SDHAF4: variants seen among roughly 807,000 people sequenced by gnomAD.
SDHAF4 encodes the protein succinate dehydrogenase assembly factor 4, mitochondrial.
SDHAF4 carries 14 observed loss-of-function variants against 14.3 expected under a neutral mutation model. That is an observed-to-expected ratio of 0.98 (90% CI 0.65 to 1.53). The LOEUF (loss-of-function observed/expected upper bound fraction) is 1.53. Among genes scored for constraint, SDHAF4 ranks in the 40% most tolerant of loss-of-function variants. SDHAF4 has a pLI of 0.00. For missense variants in SDHAF4, 141 were observed against 129.3 expected (o/e 1.09, Z -0.44); for synonymous variants, 63 against 47.3 (o/e 1.33, Z -1.36).
chr6:70,594,147 G>A (rs929349069), downstream of SDHAF4, among the ~76,000 whole-genome samples: 15 of 152,118 alleles, frequency 9.9e-5, no homozygotes, highest in East Asian at 1.9e-4. Flanking sequence ...AATTGTTTTC[G>A]CAGGATCACA....
Position 70,587,293 on chromosome 6 carries a change from C to G in SDHAF4, c.218-1322C>G, listed in dbSNP as rs1423053311. On this transcript the variant is annotated intron_variant, in intron 2 of 2. Transcript: ENST00000370474. ...TCATTTGGGGTCAGGAGTTTGAGACCAGCCTGGCCAACATAGTGAAACCCC... is the reference window on the plus strand; with the variant it reads ...TCATTTGGGGTCAGGAGTTTGAGACGAGCCTGGCCAACATAGTGAAACCCC... Among the ~76,000 whole-genome samples, 3 of 152,136 alleles carry G rather than the reference C, an allele frequency of 2.0e-5. No homozygotes were observed. In the East Asian group the frequency reaches 5.8e-4, roughly 29 times the overall value.
chr6:70,579,094 A>G (rs191460450), intron 1 of SDHAF4, among the ~76,000 whole-genome samples: 3 of 152,312 alleles, frequency 2.0e-5, no homozygotes, highest in Admixed American at 2.0e-4. Context: ...AAAAGTTTGT[A>G]CTACTAAGTT....
chr6:70,583,464 A>T (rs968240505), intron 2 of SDHAF4, among the ~76,000 whole-genome samples: 4 of 152,180 alleles, frequency 2.6e-5, no homozygotes, highest in African/African-American at 9.7e-5. Flanking sequence ...AGACATTTCA[A>T]AATACCTGGA....
chr6:70,575,499 G>A (rs1345592271), intron 1 of SDHAF4, among the ~76,000 whole-genome samples: 6 of 148,242 alleles, frequency 4.0e-5, no homozygotes, highest in African/African-American at 7.4e-5. Flanking sequence ...AAAAAAAGAC[G>A]CAATAAGTGT....
At chr6:70,597,859 T>G in the SDHAF4 span, among the ~76,000 whole-genome samples, 1 of 152,172 alleles carries the variant, frequency 6.6e-6, no homozygotes, top group Non-Finnish European at 1.5e-5. Flanking sequence ...TATAAAAATT[T>G]TTAAGCCCTT....
intron 2 of SDHAF4, among the ~76,000 whole-genome samples, chr6:70,585,510 C>G (rs1765185450): frequency 6.6e-6 from 1 of 152,128 alleles, no homozygotes; most frequent in Non-Finnish European, 1.5e-5. Flanking sequence ...CTGATTTCAG[C>G]CTACCAGCCT....
chr6:70,569,122 C>T (rs1333801122), intron 1 of SDHAF4, among the ~76,000 whole-genome samples: 1 of 151,330 alleles, frequency 6.6e-6, no homozygotes, highest in South Asian at 2.1e-4. Flanking sequence ...CGCGCCACCA[C>T]GCCCGGCTAA....
intron 2 of SDHAF4, among the ~76,000 whole-genome samples, chr6:70,582,361 G>A (rs898038669): frequency 4.6e-5 from 7 of 152,050 alleles, no homozygotes; most frequent in Non-Finnish European, 1.0e-4. Flanking sequence ...CACCACGCCC[G>A]GCTTAAAATG....
At chr6:70,568,292 TACAC>T (rs150810278) in intron 1 of SDHAF4, among the ~76,000 whole-genome samples, 23 of 151,806 alleles carry the variant, frequency 1.5e-4, no homozygotes, top group South Asian at 2.1e-4. Flanking sequence ...TATATATGTA[TACAC>T]ACACACACAC....
intron 1 of SDHAF4, among the ~76,000 whole-genome samples, chr6:70,572,220 A>G (rs1310068420): frequency 6.6e-6 from 1 of 151,776 alleles, no homozygotes; most frequent in East Asian, 1.9e-4. Flanking sequence ...GTGCACCACC[A>G]TGTCTGGCTA....
At chr6:70,587,908 G>C (rs1765222538) in intron 2 of SDHAF4, among the ~76,000 whole-genome samples, 1 of 152,204 alleles carries the variant, frequency 6.6e-6, no homozygotes, top group African/African-American at 2.4e-5. Context: ...ATGAGGAACA[G>C]TAATTCTCTA....
intron 2 of SDHAF4, among the ~76,000 whole-genome samples, chr6:70,585,029 A>G (rs1765179699): frequency 6.6e-6 from 1 of 152,222 alleles, no homozygotes; most frequent in African/African-American, 2.4e-5. Flanking sequence ...GTGTGGCATT[A>G]GAATGAGAGG....
chr6:70,569,155 G>A (rs112239631), intron 1 of SDHAF4, among the ~76,000 whole-genome samples: 25,896 of 150,014 alleles, frequency 0.17, 2,322 homozygotes, highest in Middle Eastern at 0.22. Context: ...TAGTAGAGAC[G>A]GGGTTTCACC....
At chr6:70,596,334 A>G in the SDHAF4 span, 1 of 152,210 alleles carries the variant, frequency 6.6e-6, no homozygotes, top group Admixed American at 6.5e-5. Flanking sequence ...ACATTGGCTC[A>G]AGGATTTCCC....
At chr6:70,585,973 C>T (rs1328960605) in intron 2 of SDHAF4, among the ~76,000 whole-genome samples, 6 of 152,130 alleles carry the variant, frequency 3.9e-5, no homozygotes, top group Non-Finnish European at 5.9e-5. Flanking sequence ...TGTCTTTTGT[C>T]AGTTGATTTT....
In SDHAF4 at chr6:70,579,501, C is replaced by T. The variant is rs746342509; in HGVS notation, c.152C>T (p.Pro51Leu). The change falls in exon 2 of 3, where the codon CCG becomes CTG. Residue 51 changes from proline to leucine, a missense_variant. Pro to Leu is a moderately conservative substitution (Grantham distance 98). Transcript: ENST00000370474. ...CTTGTCAAACAGTCCCTTAAGAAGCCGAAGTTACCAGAAGGTCGTTTTGAT... is the reference window on the plus strand; with the variant it reads ...CTTGTCAAACAGTCCCTTAAGAAGCTGAAGTTACCAGAAGGTCGTTTTGAT... ...SELVKQSLKK[P>L]KLPEGRFDAP... is the part of the protein sequence containing the mutation. 3.7e-6 allele frequency: 6 copies of T among 1,611,110 alleles called. No homozygotes were observed. The highest frequency in any genetic ancestry group is 4.2e-6 in the Non-Finnish European group (5 of 1,178,530).
the SDHAF4 span, among the ~76,000 whole-genome samples, chr6:70,595,752 C>T: frequency 6.7e-6 from 1 of 150,334 alleles, no homozygotes; most frequent in South Asian, 2.1e-4. Context: ...AGGAGAATCG[C>T]TTGAACCCGG....
At position 70,566,944 on chromosome 6, in the gene SDHAF4, A is replaced by G; in HGVS notation, c.4A>G (p.Thr2Ala). Reference sequence around the variant, plus strand: ...GGAGGCTCGGGGAGTCGGCGCCATGACCCCATCGAGGCTTCCCTGGTTGCT... The same window carrying G: ...GGAGGCTCGGGGAGTCGGCGCCATGGCCCCATCGAGGCTTCCCTGGTTGCT... MTPSRLPWLLSW... is the reference protein window; with the variant it reads MAPSRLPWLLSW... The change falls in exon 1 of 3, where the codon ACC becomes GCC. Residue 2 changes from threonine to alanine, a missense_variant. Physicochemically the swap from Thr to Ala is moderately conservative, Grantham distance 58 (BLOSUM62 0). Coordinates refer to ENST00000370474, the MANE Select transcript of SDHAF4 (RefSeq NM_145267.3). 6.3e-7 allele frequency: 1 copy of G among 1,583,068 alleles called. No individual in the cohort carries two copies. The highest frequency in any genetic ancestry group is 8.6e-7 in the Non-Finnish European group (1 of 1,164,854).
At chr6:70,590,411 G>T (rs1765248046), downstream of SDHAF4, among the ~76,000 whole-genome samples, 1 of 152,188 alleles carries the variant, frequency 6.6e-6, no homozygotes, top group Admixed American at 6.5e-5. Flanking sequence ...AGATTTCTTG[G>T]AATTGTGGTG....
Sources: gnomAD v4.1 joint callset for allele counts (sites outside exome capture counted in the v4.1 genomes callset) on GRCh38, gnomAD v4.1.1 for gene constraint, MANE v1.5 for transcripts, NCBI Gene and HGNC (gene_info 2026-07-23, HGNC 2026-07-21) for gene names.